MYRIP: variants seen among roughly 807,000 people sequenced by gnomAD.
MYRIP encodes myosin VIIA and Rab interacting protein, also known as rab effector MyRIP.
In MYRIP, 49 loss-of-function variants were observed where a neutral mutation model predicts 98.0. The observed-to-expected ratio is 0.50, with a 90% CI of 0.40 to 0.63. The LOEUF (loss-of-function observed/expected upper bound fraction) is 0.63, where lower values mean the gene tolerates loss of function less well. MYRIP is among the 30% of genes least tolerant of loss of function. MYRIP has a pLI of 0.00. For missense variants in MYRIP, 1,004 were observed against 1,058.2 expected, an observed-to-expected ratio of 0.95 and a Z score of 0.71; for synonymous variants, 404 against 409.5, an observed-to-expected ratio of 0.99 and a Z score of 0.16.
At chr3:40,102,198 C>T (rs981533443) in intron 3 of MYRIP, among the ~76,000 whole-genome samples, 11 of 152,166 alleles carry the variant, frequency 7.2e-5, no homozygotes, top group Non-Finnish European at 1.6e-4. Context: ...CTATGCTAAC[C>T]TTTCTAAGGA....
At chr3:40,179,252 C>T (rs992994673) in intron 8 of MYRIP, among the ~76,000 whole-genome samples, 3 of 152,154 alleles carry the variant, frequency 2.0e-5, no homozygotes, top group African/African-American at 7.2e-5. Context: ...CACCAGTGTC[C>T]TAGGACCTGT....
At chr3:40,173,655 C>T (rs1173605574) in intron 8 of MYRIP, 1 of 152,294 alleles carries the variant, frequency 6.6e-6, no homozygotes, top group African/African-American at 2.4e-5. Flanking sequence ...CAAGGGGAAT[C>T]TCCCGCCTGG....
At position 40,160,719 on chromosome 3, in the gene MYRIP, G is replaced by A. The variant is rs184217754; in HGVS notation, c.470-2011G>A. 3.3e-3 allele frequency among the ~76,000 whole-genome samples: 506 copies of A among 152,310 alleles called. 13 individuals are homozygous for A. The highest frequency in any genetic ancestry group is 0.028 in the Admixed American group (435 of 15,296). On this transcript the variant is annotated intron_variant, in intron 4 of 16. Transcript: ENST00000302541. ...TAGTGCGCCATTTTTTAAGCCTGTC[G>A]GAAAAGCGCAGTATTCGGGTGGGAG...
rs372471843 is a variant in MYRIP, at chr3:40,098,920, C to CGT, written c.333-52109_333-52108dup. On this transcript the variant is annotated intron_variant, in intron 3 of 16. Coordinates refer to ENST00000302541, the MANE Select transcript of MYRIP (RefSeq NM_015460.4). ...GGGTGTGTGGGTGTGCATGTGTGTG[C>CGT]GTGTGTGTGTGTGTGTGTGTACATT... 5.9e-3 allele frequency among the ~76,000 whole-genome samples: 725 copies of CGT among 123,562 alleles called. 4 individuals carry two copies. Among genetic ancestry groups the CGT allele is most frequent in the African/African-American group, 5.7e-3 (192 of 33,898 alleles). 81.1% of individuals were successfully genotyped at this position (123,562 alleles called of 152,430 possible). A position where few individuals can be genotyped will look rare whatever the true frequency, so the allele number is the denominator to read the frequency against.
chr3:39,875,777 G>T (rs1367480937), intron 1 of MYRIP, among the ~76,000 whole-genome samples: 21 of 151,572 alleles, frequency 1.4e-4, no homozygotes, highest in African/African-American at 2.7e-4. Flanking sequence ...GGTCAATTTT[G>T]GAATAGGTGT....
chr3:40,136,627 G>C (rs9857516), intron 3 of MYRIP, among the ~76,000 whole-genome samples: 32,755 of 144,188 alleles, frequency 0.23, 3,936 homozygotes, highest in South Asian at 0.36. Context: ...TGACCACATA[G>C]TTGGAAGTAA....
intron 2 of MYRIP, among the ~76,000 whole-genome samples, chr3:40,027,874 G>A (rs1003573636): frequency 6.6e-6 from 1 of 152,090 alleles, no homozygotes; most frequent in Non-Finnish European, 1.5e-5. Context: ...CTGCAGCTCA[G>A]AGGAGGGGCG....
At position 39,909,363 on chromosome 3, in the gene MYRIP, TTCAAAA is replaced by T. The variant is rs1395792123; in HGVS notation, c.110+8441_110+8446del. 2.0e-5 allele frequency among the ~76,000 whole-genome samples: 3 copies of T among 152,340 alleles called. No homozygotes were observed. The South Asian group carries it at 6.2e-4, about 32-fold the overall frequency. On this transcript the variant is annotated intron_variant, in intron 2 of 16. Transcript: ENST00000302541. ...AGCTGTTGGGTATTTATTAATTTGC[TTCAAAA>T]TCATATTTTGAATGTCAGGACCCTT...
intron 2 of MYRIP, among the ~76,000 whole-genome samples, chr3:39,917,195 A>G (rs1944182891): frequency 6.6e-6 from 1 of 152,042 alleles, no homozygotes; most frequent in Non-Finnish European, 1.5e-5. Context: ...AAAGAATAAC[A>G]TAATGGTTAG....
intron 3 of MYRIP, among the ~76,000 whole-genome samples, chr3:40,067,792 G>A (rs1948152524): frequency 6.6e-6 from 1 of 152,120 alleles, no homozygotes; most frequent in Non-Finnish European, 1.5e-5. Context: ...ACAGTTATAA[G>A]GTGCTTATCA....
intron 2 of MYRIP, among the ~76,000 whole-genome samples, chr3:39,987,860 C>T (rs934026000): frequency 3.3e-5 from 5 of 152,072 alleles, no homozygotes; most frequent in African/African-American, 9.7e-5. Context: ...CACATGCACA[C>T]GTATGTTTAT....
intron 8 of MYRIP, among the ~76,000 whole-genome samples, chr3:40,170,534 A>T (rs1185852639): frequency 2.6e-5 from 4 of 152,204 alleles, no homozygotes; most frequent in Non-Finnish European, 4.4e-5. Context: ...GGACACAGGA[A>T]GTCACAGTGT....
In MYRIP at chr3:39,844,386, T is replaced by A. The variant is rs577323127; in HGVS notation, c.-31+34470T>A. ...CCAATTCTGGTTGGTGTCAATTATA[T>A]CTCACAGAATCATTCATAAATCAGA... On this transcript the variant is annotated intron_variant, in intron 1 of 16. Transcript: ENST00000302541. Among the ~76,000 whole-genome samples the A allele has an allele frequency of 5.3e-5, 8 of 152,346 alleles. No homozygotes were observed. The South Asian group carries it at 1.4e-3, about 28-fold the overall frequency.
chr3:40,162,793 T>A lies in MYRIP; in HGVS notation c.533T>A (p.Phe178Tyr). 1 of 1,614,018 alleles carries A rather than the reference T, an allele frequency of 6.2e-7. No homozygotes were observed. Among genetic ancestry groups the A allele is most frequent in the Non-Finnish European group, 8.5e-7 (1 of 1,179,948 alleles). Residue 178 changes from phenylalanine (F) to tyrosine (Y), a missense_variant, in exon 5 of 17, where the codon TTT becomes TAT. Physicochemically the swap from Phe to Tyr is conservative, Grantham distance 22. Coordinates refer to ENST00000302541, the MANE Select transcript of MYRIP (RefSeq NM_015460.4). The part of the protein sequence containing the change: ...EGSISGSDST[F>Y]YRQSEGHSVM... ...AGCATTTCTGGCAGTGATTCAACATTTTATAGGCAGTCAGAAGGTAAAGTT... is the reference window on the plus strand; with the variant it reads ...AGCATTTCTGGCAGTGATTCAACATATTATAGGCAGTCAGAAGGTAAAGTT...
chr3:39,841,310 T>C (rs1318360169), intron 1 of MYRIP, among the ~76,000 whole-genome samples: 3 of 152,258 alleles, frequency 2.0e-5, no homozygotes, highest in South Asian at 4.2e-4. Flanking sequence ...AGGTCACTTA[T>C]GTTCTTCTCT....
intron 3 of MYRIP, among the ~76,000 whole-genome samples, chr3:40,046,678 C>CT (rs1474929197): frequency 6.6e-6 from 1 of 151,090 alleles, no homozygotes; most frequent in Non-Finnish European, 1.5e-5. Flanking sequence ...AAGCAGACCG[C>CT]TATTGAAGCG....
chr3:40,245,308 G>C lies in MYRIP; in HGVS notation c.2262+701G>C, dbSNP rs564368790. On this transcript the variant is annotated intron_variant, in intron 13 of 16. Transcript: ENST00000302541. ...ATTAAGCCACTGATTTTCAAACTAG[G>C]GTCTACAGATATATTCTTGGGACCC... 7.2e-4 allele frequency among the ~76,000 whole-genome samples: 109 copies of C among 152,090 alleles called. 1 individual carries two copies. The highest frequency in any genetic ancestry group is 2.5e-3 in the African/African-American group (105 of 41,482).
intron 2 of MYRIP, among the ~76,000 whole-genome samples, chr3:39,973,338 A>G (rs893697250): frequency 6.6e-6 from 1 of 152,206 alleles, no homozygotes; most frequent in African/African-American, 2.4e-5. Context: ...GATCAATTCA[A>G]CAAAAAGAGC....
At chr3:40,251,860 T>C (rs1331386937) in intron 15 of MYRIP, 21 bp from the exon 16 acceptor site, 1 of 1,520,170 alleles carries the variant, frequency 6.6e-7, no homozygotes, top group Admixed American at 1.7e-5. Flanking sequence ...GTAACATTTT[T>C]TCCCATTTAT....
Sources: allele counts gnomAD v4.1 joint callset (sites outside exome capture counted in the v4.1 genomes callset), GRCh38; gene constraint gnomAD v4.1.1; transcripts MANE v1.5; gene names NCBI Gene and HGNC (gene_info 2026-07-23, HGNC 2026-07-21).